Variants in MST1 observed in about 807,000 individuals in gnomAD.
The protein encoded by MST1 is hepatocyte growth factor-like protein.
A neutral mutation model predicts 100.1 loss-of-function variants in MST1; 76 were observed. That is an observed-to-expected ratio of 0.76 (90% CI 0.63 to 0.92). The LOEUF is 0.92. Among genes scored for constraint, MST1 ranks in the 40% least tolerant of loss-of-function variants. The pLI, the probability that MST1 is intolerant of heterozygous loss-of-function variation, is 0.00. For missense variants in MST1, 850 were observed against 990.0 expected, an observed-to-expected ratio of 0.86 and a Z score of 1.90; for synonymous variants, 352 against 385.4, an observed-to-expected ratio of 0.91 and a Z score of 1.01.
In MST1 at chr3:49,684,024, G is replaced by A; in HGVS notation, c.*4C>T. On this transcript the variant is annotated 3_prime_UTR_variant, in exon 18 of 18. Transcript: ENST00000449682. The stretch of plus-strand genomic sequence containing the variant: ...CCCCAAGGCATATGGCATCAAGGCT[G>A]GGCCTAACCCAGTCTCATGACCTTG... 1 of 1,612,052 alleles carries A rather than the reference G, an allele frequency of 6.2e-7. No homozygotes were observed. Among genetic ancestry groups the A allele is most frequent in the Non-Finnish European group, 8.5e-7 (1 of 1,179,158 alleles).
In MST1 at chr3:49,685,507, C is replaced by G. The variant is rs2053643085; in HGVS notation, c.1388-1G>C. 1 of 1,613,414 alleles carries G rather than the reference C, an allele frequency of 6.2e-7. No homozygotes were observed. The highest frequency in any genetic ancestry group is 8.5e-7 in the Non-Finnish European group (1 of 1,179,866). Reference sequence around the variant, plus strand: ...AGGATTGATGGCGGCTGGTCATCAGCTGAAAGACAAAGTTCACTGGGGTTA... The same window carrying G: ...AGGATTGATGGCGGCTGGTCATCAGGTGAAAGACAAAGTTCACTGGGGTTA... On this transcript the variant is annotated splice_acceptor_variant, in intron 11 of 17. Transcript: ENST00000449682. LOFTEE classifies it high-confidence loss of function.
chr3:49,685,735 A>G lies in MST1; in HGVS notation c.1251-3T>C. On this transcript the variant is annotated splice_polypyrimidine_tract_variant and splice_region_variant and intron_variant, in intron 10 of 17. Coordinates refer to ENST00000449682, the MANE Select transcript of MST1 (RefSeq NM_020998.4). ...GCGGTTCGGAGGTAAACGTGAACCTAGGCGGAAGCGGGAGCAAAATCGTGG... is the reference window on the plus strand; with the variant it reads ...GCGGTTCGGAGGTAAACGTGAACCTGGGCGGAAGCGGGAGCAAAATCGTGG... The G allele has an allele frequency of 6.2e-7, 1 of 1,613,124 alleles. No homozygotes were observed. The highest frequency in any genetic ancestry group is 1.1e-5 in the South Asian group (1 of 91,072).
chr3:49,687,369 ATC>A lies in MST1; in HGVS notation c.463_464del (p.Asp155SerfsTer18). ...AGGGAAGGTGTTTGTCTCACTTGTG[ATC>A]ATTTGGGAACTTGTGGCTCCAAGCC... ...CQAWSHKFPN[D>X]HKYTPTLRNG... On this transcript the variant is annotated frameshift_variant, in exon 4 of 18. Coordinates refer to ENST00000449682, the MANE Select transcript of MST1 (RefSeq NM_020998.4). LOFTEE classifies it high-confidence loss of function. 1 of 1,613,498 alleles carries A rather than the reference ATC, an allele frequency of 6.2e-7. No individual in the cohort carries two copies. Among genetic ancestry groups the A allele is most frequent in the South Asian group, 1.1e-5 (1 of 91,070 alleles).
Position 49,687,153 on chromosome 3 carries a change from C to T in MST1, c.603G>A (p.Arg201=), listed in dbSNP as rs1397078343. ...GCTTGACCCGGCGCCGCTTACCCTC[C>T]CGGCAGGATTTGATGCCGCAGCTCT... ...RFQSCGIKSC[R]EAACVWCNGE... is the part of the protein sequence containing the mutation. The change falls in exon 5 of 18, where the codon CGG becomes CGA. Residue 201 remains arginine, a synonymous_variant. Transcript: ENST00000449682. The T allele has an allele frequency of 6.2e-7, 1 of 1,613,040 alleles. No homozygotes were observed. Among genetic ancestry groups the T allele is most frequent in the Non-Finnish European group, 8.5e-7 (1 of 1,179,884 alleles).
intron 6 of MST1, 37 bp downstream of exon 6, chr3:49,686,910 G>T: frequency 2.5e-6 from 4 of 1,611,636 alleles, no homozygotes; most frequent in Non-Finnish European, 3.4e-6. Context: ...ACCTTCCCTA[G>T]CCCGGCCCCC....
At position 49,684,380 on chromosome 3, in the gene MST1, G is replaced by A; in HGVS notation, c.1950C>T (p.His650=). ...VISNQECNIK[H]RGRVRESEMC... Reference sequence around the variant, plus strand: ...TCTCACTCTCCCGCACACGTCCTCGGTGCTTGATGTTACACTCCTGGTTGG... The same window carrying A: ...TCTCACTCTCCCGCACACGTCCTCGATGCTTGATGTTACACTCCTGGTTGG... The change falls in exon 17 of 18, where the codon CAC becomes CAT. Residue 650 remains histidine (H), a synonymous_variant. Transcript: ENST00000449682. 1.2e-6 allele frequency: 2 copies of A among 1,613,342 alleles called. No homozygotes were observed. Among genetic ancestry groups the A allele is most frequent in the Non-Finnish European group, 1.7e-6 (2 of 1,179,872 alleles).
At position 49,688,942 on chromosome 3, in the gene MST1, T is replaced by C; in HGVS notation, c.-251A>G. 1 of 373,914 alleles carries C rather than the reference T, an allele frequency of 2.7e-6. No homozygotes were observed. Among genetic ancestry groups the C allele is most frequent in the Non-Finnish European group, 5.0e-6 (1 of 201,878 alleles). 23.2% of individuals were successfully genotyped at this position (373,914 alleles called of 1,614,324 possible). A position where few individuals can be genotyped will look rare whatever the true frequency, so the allele number is the denominator to read the frequency against. On this transcript the variant is annotated 5_prime_UTR_variant, in exon 1 of 18. The change abolishes an upstream ATG in the 5' untranslated region. Coordinates refer to ENST00000449682, the MANE Select transcript of MST1 (RefSeq NM_020998.4). ...CTGCAGCCTAGTCAGCCCAAGGGCA[T>C]TGTGAAAGTGAGAGCTGCCAGAGGT...
At position 49,685,580 on chromosome 3, in the gene MST1, CG is replaced by C. The variant is rs2053651916; in HGVS notation, c.1387+15del. 6.2e-7 allele frequency: 1 copy of C among 1,613,148 alleles called. No individual in the cohort carries two copies. ...GGCTGAGGCAGGGTCATGGGGGAAG[CG>C]TCACTAGTGCTCACCGCAGCGTCGC... On this transcript the variant is annotated intron_variant, in intron 11 of 17. Transcript: ENST00000449682.
chr3:49,687,824 C>A lies in MST1; in HGVS notation c.168G>T (p.Val56=). The A allele has an allele frequency of 1.2e-6, 2 of 1,613,618 alleles. No homozygotes were observed. Among genetic ancestry groups the A allele is most frequent in the Non-Finnish European group, 1.7e-6 (2 of 1,179,856 alleles). Reference sequence around the variant, plus strand: ...CCACATCCTCCTGCCAAGGCCCGGGCACCACCGCATGTAGCAGGTGCTGTA... The same window carrying A: ...CCACATCCTCCTGCCAAGGCCCGGGAACCACCGCATGTAGCAGGTGCTGTA... ...TELQHLLHAV[V]PGPWQEDVAD... The change falls in exon 2 of 18, where the codon GTG becomes GTT. Residue 56 remains valine, a synonymous_variant. Coordinates refer to ENST00000449682, the MANE Select transcript of MST1 (RefSeq NM_020998.4).
chr3:49,686,261 C>G (rs1421784537), intron 8 of MST1, 52 bp downstream of exon 8: 3 of 1,605,402 alleles, frequency 1.9e-6, no homozygotes, highest in Non-Finnish European at 2.5e-6. Flanking sequence ...ACCTTCCTCC[C>G]GTCTCACCCG....
intron 6 of MST1, 24 bp downstream of exon 6, chr3:49,686,923 G>T: frequency 6.2e-7 from 1 of 1,611,686 alleles, no homozygotes; most frequent in Non-Finnish European, 8.5e-7. Flanking sequence ...CGGCCCCCAG[G>T]ACGCCGATAC....
rs145300894 is a variant in MST1 at position 49,687,580 on chromosome 3, G to A, written c.331C>T (p.Arg111Cys). ...CCTTTCTTCTGGAAGAGGTCACAGC[G>A]CCCAGAACGCCGCAGCCTCGTGTGG... The part of the protein sequence containing the change: ...SPHTRLRRSG[R>C]CDLFQKKDYV... The change falls in exon 3 of 18, where the codon CGC becomes TGC. Residue 111 changes from arginine to cysteine, a missense_variant. Physicochemically the swap from Arg to Cys is radical, Grantham distance 180 (BLOSUM62 -3). This residue lies in a region of MST1 where 816 missense variants were observed against 924.6 expected (regional missense o/e 0.88). Transcript: ENST00000449682. The A allele has an allele frequency of 1.3e-5, 21 of 1,613,520 alleles. 1 individual carries two copies. In the East Asian group the frequency reaches 2.5e-4, roughly 19 times the overall value.
rs755308635 is a variant in MST1, at chr3:49,686,116, G to A, written c.1093C>T (p.Arg365Cys). ...CGGATCTGGTAGCAAAAGGCCGCGC[G>A]CATGCCGGGCCGCAGTGTGAAGCAC... ...PWCFTLRPGM[R>C]AAFCYQIRRC... The change falls in exon 9 of 18, where the codon CGC becomes TGC. Residue 365 changes from arginine (R) to cysteine (C), a missense_variant. Arg to Cys is a radical substitution (Grantham distance 180). This residue lies in a region of MST1 where 816 missense variants were observed against 924.6 expected (regional missense o/e 0.88). Transcript: ENST00000449682. 1.2e-5 allele frequency: 20 copies of A among 1,610,646 alleles called. No individual in the cohort carries two copies. Among genetic ancestry groups the A allele is most frequent in the South Asian group, 4.4e-5 (4 of 90,852 alleles).
Position 49,685,328 on chromosome 3 carries a change from C to T in MST1, c.1478G>A (p.Arg493His), listed in dbSNP as rs62262682. ...GCCCCCAACCACGCGCAGCTTGGAA[C>T]GCCGCTGATCCAGCCGATCCACCCT... ...GKRVDRLDQR[R>H]SKLRVVGGHP... is the part of the protein sequence containing the mutation. Residue 493 changes from arginine to histidine, a missense_variant, in exon 13 of 18, where the codon CGT becomes CAT. This residue lies in a region of MST1 where 816 missense variants were observed against 924.6 expected (regional missense o/e 0.88). Transcript: ENST00000449682. 83 of 1,613,208 alleles carry T rather than the reference C, an allele frequency of 5.1e-5. No individual in the cohort carries two copies. The highest frequency in any genetic ancestry group is 2.1e-4 in the African/African-American group (16 of 74,928).
chr3:49,684,182 T>C lies in MST1; in HGVS notation c.2024A>G (p.Tyr675Cys). ...GGTAAAGCAGGCAAGTGGGCCCCCGTAGTCACCCTGGCAGGTAGGAGAACT... is the reference window on the plus strand; with the variant it reads ...GGTAAAGCAGGCAAGTGGGCCCCCGCAGTCACCCTGGCAGGTAGGAGAACT... ...LAPVGACEGD[Y>C]GGPLACFTHN... The change falls in exon 18 of 18, where the codon TAC (tyrosine) becomes TGC (cysteine). Residue 675 changes from tyrosine to cysteine, a missense_variant. By Grantham distance (194) the Tyr-to-Cys change is radical. This residue lies in a region of MST1 where 816 missense variants were observed against 924.6 expected (regional missense o/e 0.88). Transcript: ENST00000449682. 5.6e-6 allele frequency: 9 copies of C among 1,612,336 alleles called. No individual in the cohort carries two copies. Among genetic ancestry groups the C allele is most frequent in the Non-Finnish European group, 6.8e-6 (8 of 1,179,416 alleles).
At position 49,687,191 on chromosome 3, in the gene MST1, C is replaced by T. The variant is rs1185214639; in HGVS notation, c.565G>A (p.Ala189Thr). 6.2e-7 allele frequency: 1 copy of T among 1,613,370 alleles called. No homozygotes were observed. Among genetic ancestry groups the T allele is most frequent in the South Asian group, 1.1e-5 (1 of 91,082 alleles). ...ATGCCGCAGCTCTGGAAGCGCACAG[C>T]AGGGTCTGTTGTGTAGCACCAAGGA... The part of the protein sequence containing the change: ...GGPWCYTTDP[A>T]VRFQSCGIKS... The change falls in exon 5 of 18, where the codon GCT becomes ACT. Residue 189 changes from alanine to threonine, a missense_variant. Physicochemically the swap from Ala to Thr is moderately conservative, Grantham distance 58. Around this residue, in one of 2 missense-constraint regions of MST1, gnomAD observed 816 missense variants for 924.6 expected, o/e 0.88. Transcript: ENST00000449682.
chr3:49,687,550 A>T lies in MST1; in HGVS notation c.355+6T>A. 2.5e-6 allele frequency: 4 copies of T among 1,613,212 alleles called. No homozygotes were observed. The highest frequency in any genetic ancestry group is 3.4e-6 in the Non-Finnish European group (4 of 1,179,788). On this transcript the variant is annotated splice_donor_region_variant and intron_variant, in intron 3 of 17. Transcript: ENST00000449682. ...TCCCACCCTGCCCCTCTCCACCCCC[A>T]CTTGCCTTTCTTCTGGAAGAGGTCA...
At chr3:49,685,780 T>C in intron 10 of MST1, 48 bp from the exon 11 acceptor site, 1 of 1,612,796 alleles carries the variant, frequency 6.2e-7, no homozygotes, top group African/African-American at 1.3e-5. Context: ...CTCAACCATT[T>C]CCAGGCTCTG....
At chr3:49,686,289 G>GCCCTCCCCCCCCCCCCCCC in intron 8 of MST1, 24 bp downstream of exon 8, 3 of 1,235,666 alleles carry the variant, frequency 2.4e-6, no homozygotes, top group Middle Eastern at 2.8e-4. Context: ...ACGTCCCAAC[G>GCCCTCCCCCCCCCCCCCCC]CCCGCCCCCC....
Sources: allele counts gnomAD v4.1 joint callset, GRCh38; gene constraint gnomAD v4.1.1; regional missense constraint gnomAD v4.1.1; transcripts MANE v1.5; gene names NCBI Gene and HGNC (gene_info 2026-07-23, HGNC 2026-07-21).